Variants in TMX2 observed in about 807,000 individuals in gnomAD.
TMX2 encodes the protein thioredoxin-related transmembrane protein 2.
A neutral mutation model predicts 33.4 loss-of-function variants in TMX2; 20 were observed. The observed-to-expected ratio is 0.60, with a 90% CI of 0.42 to 0.87. The LOEUF (loss-of-function observed/expected upper bound fraction) is 0.87, where lower values mean the gene tolerates loss of function less well. Ranked by LOEUF, TMX2 falls within the 40% of genes least tolerant of loss-of-function variation. TMX2 has a pLI of 0.00. For synonymous variants in TMX2, 166 were observed against 140.7 expected (o/e 1.18, Z -1.27); for missense variants, 340 against 370.7 (o/e 0.92, Z 0.68).
intron 1 of TMX2, among the ~76,000 whole-genome samples, chr11:57,729,559 T>C (rs1009140296): frequency 2.0e-5 from 3 of 152,194 alleles, no homozygotes; most frequent in African/African-American, 7.2e-5. Flanking sequence ...CACCAGACTT[T>C]CTCTTCTTAC....
At chr11:57,730,431 A>T (rs1948297247) in intron 1 of TMX2, among the ~76,000 whole-genome samples, 2 of 134,164 alleles carry the variant, frequency 1.5e-5, no homozygotes, top group Non-Finnish European at 3.2e-5. Flanking sequence ...GTCTTTAAAA[A>T]AAAAAAAAAA....
intron 1 of TMX2, chr11:57,718,287 A>G (rs1947312794): frequency 7.1e-6 from 11 of 1,547,110 alleles, no homozygotes; most frequent in African/African-American, 1.4e-5. Context: ...CTCATCATCA[A>G]ATTTCTCCCC....
At chr11:57,715,735 C>A (rs1055254881) in intron 1 of TMX2, among the ~76,000 whole-genome samples, 1 of 151,680 alleles carries the variant, frequency 6.6e-6, no homozygotes, top group East Asian at 1.9e-4. Flanking sequence ...TGCCGCCTTC[C>A]GCAGTGTTTG....
At chr11:57,721,089 C>T (rs1947597620) in intron 1 of TMX2, among the ~76,000 whole-genome samples, 1 of 149,620 alleles carries the variant, frequency 6.7e-6, no homozygotes, top group African/African-American at 2.5e-5. Flanking sequence ...ATTGCCTGAA[C>T]TCAGGAGTTC....
At chr11:57,719,029 ATATATT>A (rs1217133740) in intron 1 of TMX2, among the ~76,000 whole-genome samples, 10 of 105,422 alleles carry the variant, frequency 9.5e-5, no homozygotes, top group African/African-American at 3.5e-4. Context: ...CCATATATAT[ATATATT>A]TTTTTTTTTT....
At chr11:57,734,407 TTTTGGTCCTACC>T (rs1049676344) in intron 1 of TMX2, among the ~76,000 whole-genome samples, 14 of 152,192 alleles carry the variant, frequency 9.2e-5, no homozygotes, top group African/African-American at 2.7e-4. Context: ...AGAGAATTTC[TTTTGGTCCTACC>T]TTTGGTCCCC....
At chr11:57,733,215 T>G (rs960538465) in intron 1 of TMX2, among the ~76,000 whole-genome samples, 1 of 152,032 alleles carries the variant, frequency 6.6e-6, no homozygotes, top group Non-Finnish European at 1.5e-5. Context: ...TGTGTTTTTT[T>G]TTTTAAGTCC....
intron 1 of TMX2, chr11:57,718,591 CT>C: frequency 3.6e-6 from 2 of 549,258 alleles, no homozygotes; most frequent in Non-Finnish European, 6.7e-6. Context: ...CTTTTTATAT[CT>C]GTTTAGTTTT....
At chr11:57,723,161 TGTAA>T (rs1252193503) in intron 1 of TMX2, among the ~76,000 whole-genome samples, 1 of 151,794 alleles carries the variant, frequency 6.6e-6, no homozygotes, top group African/African-American at 2.4e-5. Flanking sequence ...CTCAAAAAAA[TGTAA>T]GTTTCTTTTT....
intron 1 of TMX2, among the ~76,000 whole-genome samples, chr11:57,715,329 A>G (rs571669360): frequency 1.7e-4 from 26 of 152,312 alleles, no homozygotes; most frequent in Non-Finnish European, 1.6e-4. Flanking sequence ...TGAACCTGAG[A>G]GGCAGAGGTT....
intron 1 of TMX2, chr11:57,718,109 C>G: frequency 8.1e-7 from 1 of 1,241,842 alleles, no homozygotes; most frequent in South Asian, 1.2e-5. Context: ...CAAAGCGCTC[C>G]ATGGCCTCTG....
chr11:57,715,272 G>A (rs1261464443), intron 1 of TMX2, among the ~76,000 whole-genome samples: 8 of 152,008 alleles, frequency 5.3e-5, no homozygotes, highest in Non-Finnish European at 1.2e-4. Context: ...GTGGTGGTGG[G>A]TGCCTGTAAT....
At chr11:57,717,998 G>A in intron 1 of TMX2, 1 of 792,106 alleles carries the variant, frequency 1.3e-6, no homozygotes, top group South Asian at 1.3e-5. Context: ...GGAGAGCACA[G>A]AAGGAATGGT....
chr11:57,737,331 T>A (rs578042550), intron 1 of TMX2, among the ~76,000 whole-genome samples: 4 of 152,232 alleles, frequency 2.6e-5, no homozygotes, highest in African/African-American at 9.6e-5. Context: ...GAGGTTGCAG[T>A]GAGCCGAGAT....
intron 1 of TMX2, among the ~76,000 whole-genome samples, chr11:57,737,018 T>C (rs1455503962): frequency 6.6e-6 from 1 of 152,240 alleles, no homozygotes; most frequent in Non-Finnish European, 1.5e-5. Flanking sequence ...TACGATTTTA[T>C]ACCATATCAT....
intron 1 of TMX2, among the ~76,000 whole-genome samples, chr11:57,732,283 T>A (rs1948451360): frequency 6.6e-6 from 1 of 152,156 alleles, no homozygotes; most frequent in Non-Finnish European, 1.5e-5. Flanking sequence ...CATCCAGAAT[T>A]TTTGTACTTT....
At chr11:57,716,546 G>A (rs1342505630) in intron 1 of TMX2, among the ~76,000 whole-genome samples, 1 of 125,328 alleles carries the variant, frequency 8.0e-6, no homozygotes, top group African/African-American at 3.1e-5. Context: ...CCTCCCGGAC[G>A]GGGCGGCTGG....
intron 1 of TMX2, among the ~76,000 whole-genome samples, chr11:57,737,289 G>C (rs1271275738): frequency 6.6e-6 from 1 of 152,028 alleles, no homozygotes. Flanking sequence ...GTGTGGTGGC[G>C]CATGTCTGCA....
At chr11:57,730,123 T>TTA (rs142041272) in intron 1 of TMX2, among the ~76,000 whole-genome samples, 28,090 of 140,406 alleles carry the variant, frequency 0.2, 3,210 homozygotes, top group Middle Eastern at 0.35. Context: ...AAAAAAATAA[T>TTA]TATATATATA....
Sources: allele counts gnomAD v4.1 joint callset (sites outside exome capture counted in the v4.1 genomes callset), GRCh38; gene constraint gnomAD v4.1.1; transcripts MANE v1.5; gene names NCBI Gene and HGNC (gene_info 2026-07-23, HGNC 2026-07-21).